The following FAM200B variants were observed in gnomAD, a reference collection of about 807,000 sequenced individuals.
FAM200B encodes the protein protein FAM200B.
Under a neutral mutation model 33.1 loss-of-function variants are expected in FAM200B, and 32 were observed. That is an observed-to-expected ratio of 0.97 (90% CI 0.73 to 1.30). The LOEUF (loss-of-function observed/expected upper bound fraction) is 1.30. Among genes scored for constraint, FAM200B ranks in the 50% most tolerant of loss-of-function variants. The probability of loss-of-function intolerance (pLI) is 0.00; values close to 1 mark genes in which losing one functional copy is unlikely to be tolerated. For synonymous variants in FAM200B, 240 were observed against 264.8 expected (o/e 0.91, Z 0.91); for missense variants, 741 against 754.0 (o/e 0.98, Z 0.20).
chr4:15,641,551 T>G, the FAM200B span: 4 of 450,386 alleles, frequency 8.9e-6, no homozygotes, highest in South Asian at 6.4e-5. Context: ...GTATATATAT[T>G]TTACATATAA....
chr4:15,651,747 A>T, the FAM200B span, among the ~76,000 whole-genome samples: 1 of 152,246 alleles, frequency 6.6e-6, no homozygotes, highest in East Asian at 1.9e-4. Context: ...AAAAGTAAAC[A>T]GCACTTTTAA....
the FAM200B span, chr4:15,655,510 C>T: frequency 1.1e-5 from 4 of 373,636 alleles, no homozygotes; most frequent in South Asian, 1.1e-4. Flanking sequence ...CGGCTTCTGC[C>T]TCCCGCCCCC....
At chr4:15,662,856 T>C in the FAM200B span, among the ~76,000 whole-genome samples, 2 of 152,172 alleles carry the variant, frequency 1.3e-5, no homozygotes, top group Non-Finnish European at 2.9e-5. Flanking sequence ...TAAACATTAT[T>C]CCCAGATTTT....
chr4:15,649,026 TGATCAACA>T, the FAM200B span, among the ~76,000 whole-genome samples: 3 of 152,010 alleles, frequency 2.0e-5, no homozygotes, highest in Non-Finnish European at 2.9e-5. Context: ...TGGGAAAAAA[TGATCAACA>T]GATCAACAGA....
chr4:15,655,221 C>T, the FAM200B span: 2 of 1,434,860 alleles, frequency 1.4e-6, no homozygotes, highest in Non-Finnish European at 1.9e-6. Flanking sequence ...CAGTAGAGCC[C>T]CACCAGCTGC....
the FAM200B span, among the ~76,000 whole-genome samples, chr4:15,667,798 T>C: frequency 6.6e-6 from 1 of 152,164 alleles, no homozygotes; most frequent in Non-Finnish European, 1.5e-5. Flanking sequence ...TCCCAGCACT[T>C]TGGGATGCCA....
chr4:15,678,735 A>C (rs1718086132), upstream of FAM200B, among the ~76,000 whole-genome samples: 1 of 152,220 alleles, frequency 6.6e-6, no homozygotes, highest in Non-Finnish European at 1.5e-5. Flanking sequence ...TTTAATTATA[A>C]GCTTATTATT....
chr4:15,654,581 C>T, the FAM200B span, among the ~76,000 whole-genome samples: 1 of 152,202 alleles, frequency 6.6e-6, no homozygotes. Context: ...AAAACGATAA[C>T]GACACATGAA....
the FAM200B span, chr4:15,655,350 C>A: frequency 8.0e-7 from 1 of 1,257,438 alleles, no homozygotes; most frequent in Admixed American, 2.7e-5. Context: ...ACACCCTCGC[C>A]GCGGGGCAGA....
At chr4:15,638,285 A>G in the FAM200B span, among the ~76,000 whole-genome samples, 4 of 152,198 alleles carry the variant, frequency 2.6e-5, no homozygotes, top group Admixed American at 2.6e-4. Flanking sequence ...GAAACACTAC[A>G]CTGAATATGT....
At chr4:15,640,588 T>C in the FAM200B span, among the ~76,000 whole-genome samples, 1 of 152,012 alleles carries the variant, frequency 6.6e-6, no homozygotes, top group Non-Finnish European at 1.5e-5. Context: ...ATCTATTCAA[T>C]GAAAAGCAAC....
chr4:15,669,863 A>G, the FAM200B span, among the ~76,000 whole-genome samples: 5 of 152,210 alleles, frequency 3.3e-5, no homozygotes, highest in South Asian at 6.2e-4. Context: ...TTATAATTAC[A>G]GGGATTTCAA....
At chr4:15,678,469 C>G (rs557207937), upstream of FAM200B, among the ~76,000 whole-genome samples, 1 of 152,262 alleles carries the variant, frequency 6.6e-6, no homozygotes, top group Non-Finnish European at 1.5e-5. Context: ...TTTAATAACT[C>G]AAAGGGGTTA....
Position 15,687,246 on chromosome 4 carries a change from A to T in FAM200B, c.269A>T (p.Asn90Ile). The stretch of plus-strand genomic sequence containing the variant: ...GACAGACCTCAGTGTGTTATTTGTA[A>T]TAATATTCTTGCGAATGAAAGCTTA... ...ENDRPQCVIC[N>I]NILANESLKP... The change falls in exon 2 of 2, where the codon AAT (asparagine) becomes ATT (isoleucine). Residue 90 changes from asparagine (N) to isoleucine (I), a missense_variant. Coordinates refer to ENST00000422728, the MANE Select transcript of FAM200B (RefSeq NM_001145191.2). 1 of 1,545,694 alleles carries T rather than the reference A, an allele frequency of 6.5e-7. No individual in the cohort carries two copies. Among genetic ancestry groups the T allele is most frequent in the Non-Finnish European group, 8.7e-7 (1 of 1,145,126 alleles).
the FAM200B span, chr4:15,636,819 A>G: frequency 8.5e-4 from 504 of 590,470 alleles, 1 homozygote; most frequent in African/African-American, 8.5e-3. Flanking sequence ...AATAACATGT[A>G]TTAGAGGTAA....
At chr4:15,653,821 C>A in the FAM200B span, among the ~76,000 whole-genome samples, 1 of 152,218 alleles carries the variant, frequency 6.6e-6, no homozygotes, top group Admixed American at 6.5e-5. Flanking sequence ...CCCTCAGCTG[C>A]ATACTGCACT....
rs1221634809 is a variant in FAM200B at position 15,689,080 on chromosome 4, A to G, written c.*129A>G. 5 of 738,558 alleles carry G rather than the reference A, an allele frequency of 6.8e-6. 1 individual carries two copies. The highest frequency in any genetic ancestry group is 1.2e-4 in the South Asian group (2 of 17,074). The allele number at this position is 738,558 out of a possible 1,614,324, so 45.8% of individuals were successfully genotyped here. A position where few individuals can be genotyped will look rare whatever the true frequency, so the allele number is the denominator to read the frequency against. ...GTTTTAATTTTTGTTATATTTAATA[A>G]AATTATTTTATGTTCATTGAACAAA... On this transcript the variant is annotated 3_prime_UTR_variant, in exon 2 of 2. Coordinates refer to ENST00000422728, the MANE Select transcript of FAM200B (RefSeq NM_001145191.2).
the FAM200B span, among the ~76,000 whole-genome samples, chr4:15,647,132 A>C: frequency 6.7e-6 from 1 of 149,868 alleles, no homozygotes; most frequent in Admixed American, 6.7e-5. Context: ...CTGAGACAGG[A>C]GAATCACTTG....
the FAM200B span, among the ~76,000 whole-genome samples, chr4:15,670,434 A>G: frequency 1.3e-5 from 2 of 152,232 alleles, no homozygotes; most frequent in South Asian, 4.1e-4. Context: ...CAGAGATTCC[A>G]GCTTTAATTG....
Sources: gnomAD v4.1 joint callset for allele counts (sites outside exome capture counted in the v4.1 genomes callset) on GRCh38, gnomAD v4.1.1 for gene constraint, MANE v1.5 for transcripts, NCBI Gene and HGNC (gene_info 2026-07-23, HGNC 2026-07-21) for gene names.